GCSAML: variants seen among roughly 807,000 people sequenced by gnomAD.
GCSAML encodes the protein germinal center-associated signaling and motility-like protein.
Under a neutral mutation model 13.0 loss-of-function variants are expected in GCSAML, and 9 were observed. The observed-to-expected ratio is 0.69, with a 90% CI of 0.42 to 1.21. The LOEUF is 1.21. GCSAML is among the 50% of genes most tolerant of loss of function. GCSAML has a pLI of 0.00. For synonymous variants in GCSAML, 37 were observed against 52.9 expected, an observed-to-expected ratio of 0.70 and a Z score of 1.31; for missense variants, 143 against 153.4, an observed-to-expected ratio of 0.93 and a Z score of 0.36.
At chr1:247,564,283 C>T (rs1347102757) in intron 3 of GCSAML, among the ~76,000 whole-genome samples, 2 of 151,582 alleles carry the variant, frequency 1.3e-5, no homozygotes, top group Non-Finnish European at 2.9e-5. Context: ...GCTGGTGGTG[C>T]ACTCCTGTAG....
At chr1:247,567,976 C>T (rs576172722) in intron 4 of GCSAML, among the ~76,000 whole-genome samples, 4 of 152,032 alleles carry the variant, frequency 2.6e-5, no homozygotes, top group Non-Finnish European at 4.4e-5. Flanking sequence ...TAAATGTCTT[C>T]TTTTGAGAAG....
rs549710390 is a variant in GCSAML, at chr1:247,532,226, C to T, written c.-148+5172C>T. 6.8e-6 allele frequency: 11 copies of T among 1,614,192 alleles called. No individual in the cohort carries two copies. In the African/African-American group the frequency reaches 9.3e-5, roughly 14 times the overall value. On this transcript the variant is annotated intron_variant, in intron 2 of 5. Coordinates refer to the GCSAML transcript ENST00000366489. ...ATATAGAACTGGACCACACACCCTC[C>T]ATAGCTTATGGTTTTCTGTGGTCCC...
upstream of GCSAML, among the ~76,000 whole-genome samples, chr1:247,545,090 T>C (rs542985937): frequency 8.5e-5 from 13 of 152,368 alleles, no homozygotes; most frequent in African/African-American, 3.1e-4. Context: ...TCTCATCTTA[T>C]TGGTCATTCC....
At chr1:247,546,891 A>G (rs1314864413), upstream of GCSAML, among the ~76,000 whole-genome samples, 1 of 150,904 alleles carries the variant, frequency 6.6e-6, no homozygotes, top group South Asian at 2.1e-4. Flanking sequence ...GGAGTTTGAG[A>G]CCAGCCTGGG....
Position 247,563,584 on chromosome 1 carries a change from T to C in GCSAML, c.90-6T>C. The C allele has an allele frequency of 1.9e-6, 3 of 1,565,890 alleles. No homozygotes were observed. The highest frequency in any genetic ancestry group is 2.6e-6 in the Non-Finnish European group (3 of 1,137,992). On this transcript the variant is annotated splice_polypyrimidine_tract_variant and splice_region_variant and intron_variant, in intron 2 of 4. Transcript: ENST00000366488. ...GTATCTCATGTTACTATCTCTTTCCTTGTAGGCAGGAAATGACTACATTTG... is the reference window on the plus strand; with the variant it reads ...GTATCTCATGTTACTATCTCTTTCCCTGTAGGCAGGAAATGACTACATTTG...
intron 2 of GCSAML, among the ~76,000 whole-genome samples, chr1:247,543,338 C>T (rs976075725): frequency 2.6e-5 from 4 of 152,188 alleles, no homozygotes; most frequent in African/African-American, 9.7e-5. Flanking sequence ...AGACAGAACA[C>T]ACATTCAAAT....
At chr1:247,508,317 T>C (rs1038613159) in intron 1 of GCSAML, among the ~76,000 whole-genome samples, 1 of 152,256 alleles carries the variant, frequency 6.6e-6, no homozygotes, top group Non-Finnish European at 1.5e-5. Context: ...TGTCTTCTTT[T>C]TGAGAAGTGT....
chr1:247,546,497 T>G (rs2103029646), upstream of GCSAML, among the ~76,000 whole-genome samples: 1 of 152,176 alleles, frequency 6.6e-6, no homozygotes, highest in Admixed American at 6.5e-5. Context: ...TAGCTGGGAC[T>G]ACAGGTGCCC....
At chr1:247,562,122 C>T (rs896633608) in intron 2 of GCSAML, among the ~76,000 whole-genome samples, 2 of 152,048 alleles carry the variant, frequency 1.3e-5, no homozygotes, top group African/African-American at 4.8e-5. Context: ...GCTGAGATAC[C>T]TTGAAGCTGA....
chr1:247,516,193 G>A (rs6687136), intron 1 of GCSAML, among the ~76,000 whole-genome samples: 150,858 of 152,340 alleles, frequency 0.99, 74,709 homozygotes, highest in East Asian at 1. Context: ...CTTCTTGTGT[G>A]TTTCTGAAAA....
intron 1 of GCSAML, 27 bp from the exon 2 acceptor site, chr1:247,556,380 T>C (rs748297249): frequency 2.6e-6 from 4 of 1,562,008 alleles, no homozygotes; most frequent in Non-Finnish European, 3.5e-6. Context: ...TAACAATCTC[T>C]CTTTTTTCTT....
chr1:247,532,123 G>A, intron 2 of GCSAML: 2 of 1,614,064 alleles, frequency 1.2e-6, no homozygotes, highest in Non-Finnish European at 1.7e-6. Context: ...GTAATGGAGT[G>A]GCCTGCAGAT....
At chr1:247,530,454 T>G (rs1043718798) in intron 2 of GCSAML, 2 of 151,892 alleles carry the variant, frequency 1.3e-5, no homozygotes, top group African/African-American at 4.8e-5. Flanking sequence ...GCACACTGGC[T>G]TAGAGCTCTC....
intron 1 of GCSAML, among the ~76,000 whole-genome samples, chr1:247,512,693 C>G (rs1666081581): frequency 6.6e-6 from 1 of 152,036 alleles, no homozygotes; most frequent in Non-Finnish European, 1.5e-5. Flanking sequence ...GATGGGGTTT[C>G]TGTGTGGCAT....
At chr1:247,532,141 T>G (rs2103004798) in intron 2 of GCSAML, 1 of 1,614,016 alleles carries the variant, frequency 6.2e-7, no homozygotes, top group Admixed American at 1.7e-5. Context: ...GATGGCAGCG[T>G]AGCGGTCATA....
chr1:247,558,131 T>C (rs1161363515), intron 2 of GCSAML, among the ~76,000 whole-genome samples: 1 of 152,234 alleles, frequency 6.6e-6, no homozygotes, highest in Non-Finnish European at 1.5e-5. Flanking sequence ...GCACGACTCA[T>C]GGAATTTTCA....
At chr1:247,539,418 A>G (rs946085006) in intron 2 of GCSAML, among the ~76,000 whole-genome samples, 43 of 152,218 alleles carry the variant, frequency 2.8e-4, no homozygotes, top group African/African-American at 9.4e-4. Context: ...TGAACTGGAC[A>G]AGAGTTGACC....
rs183866424 is a variant in GCSAML, at chr1:247,539,751, C to G, written c.-147-9294C>G. Among the ~76,000 whole-genome samples the G allele has an allele frequency of 2.4e-4, 36 of 152,250 alleles. No individual in the cohort carries two copies. In the East Asian group the frequency reaches 6.2e-3, roughly 26 times the overall value. On this transcript the variant is annotated intron_variant, in intron 2 of 5. Transcript: ENST00000366489. ...CTTTTGACTCTATTTTTAAAGATAT[C>G]CAGATTACAATCATTTTTACAACGA... is the stretch of plus-strand genomic sequence containing the variant.
At chr1:247,528,987 G>C (rs1027285929) in intron 2 of GCSAML, 112 of 152,238 alleles carry the variant, frequency 7.4e-4, no homozygotes, top group African/African-American at 2.6e-3. Context: ...CTTGCTCATT[G>C]AGCCTATGAG....
Sources: gnomAD v4.1 joint callset for allele counts (sites outside exome capture counted in the v4.1 genomes callset) on GRCh38, gnomAD v4.1.1 for gene constraint, MANE v1.5 for transcripts, NCBI Gene and HGNC (gene_info 2026-07-23, HGNC 2026-07-21) for gene names.